The following SLC44A2 variants were observed in gnomAD, a reference collection of about 807,000 sequenced individuals.
SLC44A2 encodes choline transporter-like protein 2.
A neutral mutation model predicts 90.8 loss-of-function variants in SLC44A2; 57 were observed. That is an observed-to-expected ratio of 0.63 (90% CI 0.51 to 0.78). The LOEUF (loss-of-function observed/expected upper bound fraction) is 0.78, where lower values mean the gene tolerates loss of function less well. Ranked by LOEUF, SLC44A2 falls within the 30% of genes least tolerant of loss-of-function variation. The pLI is 0.00. For synonymous variants in SLC44A2, 355 were observed against 360.7 expected (o/e 0.98, Z 0.18); for missense variants, 794 against 919.7 (o/e 0.86, Z 1.77).
At chr19:10,630,954 G>T in intron 4 of SLC44A2, 103 bp from the exon 5 acceptor site, 1 of 873,012 alleles carries the variant, frequency 1.1e-6, no homozygotes, top group Non-Finnish European at 1.8e-6. Flanking sequence ...GCAGTGAGCC[G>T]AGATCACACC....
At chr19:10,640,068 C>G (rs1188097688) in intron 20 of SLC44A2, among the ~76,000 whole-genome samples, 1 of 150,112 alleles carries the variant, frequency 6.7e-6, no homozygotes, top group Non-Finnish European at 1.5e-5. Context: ...TTATTTAATC[C>G]TCTAAGGTCC....
intron 1 of SLC44A2, among the ~76,000 whole-genome samples, chr19:10,620,535 T>C (rs1202655333): frequency 2.0e-5 from 3 of 152,190 alleles, no homozygotes; most frequent in Non-Finnish European, 2.9e-5. Context: ...TCGTTTTTAT[T>C]TTCAGTGTTC....
At chr19:10,615,170 C>T (rs1008085530) in intron 1 of SLC44A2, among the ~76,000 whole-genome samples, 2 of 151,594 alleles carry the variant, frequency 1.3e-5, no homozygotes, top group African/African-American at 4.8e-5. Context: ...GTGGCTCACA[C>T]CTGTAATCAT....
chr19:10,630,317 G>T (rs759312846), intron 4 of SLC44A2, among the ~76,000 whole-genome samples: 2 of 151,624 alleles, frequency 1.3e-5, no homozygotes, highest in Non-Finnish European at 2.9e-5. Flanking sequence ...GCCACTGCTC[G>T]CTCTGTCTGG....
intron 20 of SLC44A2, among the ~76,000 whole-genome samples, chr19:10,638,652 T>G (rs2067084818): frequency 6.6e-6 from 1 of 151,898 alleles, no homozygotes; most frequent in Non-Finnish European, 1.5e-5. Flanking sequence ...TAATTTTTTT[T>G]TTGAGACAGA....
intron 1 of SLC44A2, among the ~76,000 whole-genome samples, chr19:10,613,591 A>T (rs1387560019): frequency 1.3e-5 from 2 of 152,152 alleles, no homozygotes; most frequent in African/African-American, 4.8e-5. Flanking sequence ...TCATGCCTGT[A>T]GTTCAAGCAC....
At chr19:10,614,708 C>G (rs184087650) in intron 1 of SLC44A2, among the ~76,000 whole-genome samples, 30 of 152,196 alleles carry the variant, frequency 2.0e-4, no homozygotes, top group African/African-American at 6.7e-4. Context: ...CGGTGGCTCA[C>G]GCCGATAATC....
At chr19:10,613,607 G>A (rs1188870487) in intron 1 of SLC44A2, among the ~76,000 whole-genome samples, 1 of 152,130 alleles carries the variant, frequency 6.6e-6, no homozygotes, top group African/African-American at 2.4e-5. Context: ...AGCACTTTGG[G>A]AGGCTAAGGC....
At chr19:10,639,026 C>T (rs1350753464) in intron 20 of SLC44A2, among the ~76,000 whole-genome samples, 4 of 152,002 alleles carry the variant, frequency 2.6e-5, no homozygotes, top group South Asian at 2.1e-4. Flanking sequence ...CTCGAACTCC[C>T]GACCTCAGGT....
In SLC44A2 at chr19:10,642,367, A is replaced by G; in HGVS notation, c.1930A>G (p.Thr644Ala). The G allele has an allele frequency of 6.2e-7, 1 of 1,614,058 alleles. No individual in the cohort carries two copies. Among genetic ancestry groups the G allele is most frequent in the Non-Finnish European group, 8.5e-7 (1 of 1,179,990 alleles). Residue 644 changes from threonine to alanine, a missense_variant and splice_region_variant, in exon 21 of 22, where the codon ACG (threonine) becomes GCG (alanine). Physicochemically the swap from Thr to Ala is moderately conservative, Grantham distance 58. Around this residue, in one of 3 missense-constraint regions of SLC44A2, gnomAD observed 738 missense variants for 841.1 expected, o/e 0.88. Transcript: ENST00000335757. ...GGACAGCTCGTTTCTCCTTGCCCAG[A>G]CGGTGATCGTTGGCTCCTACTTGAT... ...PLNYYWVPIL[T>A]VIVGSYLIAH...
Position 10,625,765 on chromosome 19 carries a change from G to C in SLC44A2, c.37+95G>C, listed in dbSNP as rs900838598. On this transcript the variant is annotated intron_variant, in intron 1 of 21. Transcript: ENST00000335757. ...ATGGGGCGCAGGGAAGGGGGCTGGA[G>C]GGGGAGCGCAATTGCAAATCTGCGC... 9 of 1,091,088 alleles carry C rather than the reference G, an allele frequency of 8.2e-6. No homozygotes were observed. The East Asian group carries it at 2.6e-4, about 31-fold the overall frequency. The allele number at this position is 1,091,088 out of a possible 1,614,324, so 67.6% of individuals were successfully genotyped here. A position where few individuals can be genotyped will look rare whatever the true frequency, so the allele number is the denominator to read the frequency against.
At chr19:10,619,083 A>T (rs2066878744) in intron 1 of SLC44A2, among the ~76,000 whole-genome samples, 1 of 143,994 alleles carries the variant, frequency 6.9e-6, no homozygotes, top group South Asian at 2.2e-4. Flanking sequence ...TGATCCTCCC[A>T]CCCTAGGCTT....
intron 20 of SLC44A2, among the ~76,000 whole-genome samples, chr19:10,640,698 GA>G: frequency 6.6e-6 from 1 of 152,176 alleles, no homozygotes; most frequent in Admixed American, 6.6e-5. Flanking sequence ...GTCTAGTGAG[GA>G]TGTGAGCATT....
chr19:10,637,849 C>T lies in SLC44A2; in HGVS notation c.1696-7C>T. ...GGGTCTGATCTCTCCCTCCCACTCTCCTCCAGATTGCCATCTACGGCACCA... is the reference window on the plus strand; with the variant it reads ...GGGTCTGATCTCTCCCTCCCACTCTTCTCCAGATTGCCATCTACGGCACCA... On this transcript the variant is annotated splice_polypyrimidine_tract_variant and splice_region_variant and intron_variant, in intron 17 of 21. Coordinates refer to ENST00000335757, the MANE Select transcript of SLC44A2 (RefSeq NM_020428.4). 1.9e-6 allele frequency: 3 copies of T among 1,614,154 alleles called. No individual in the cohort carries two copies. The South Asian group carries it at 3.3e-5, about 18-fold the overall frequency.
chr19:10,635,186 C>T lies in SLC44A2; in HGVS notation c.1079C>T (p.Ser360Phe), dbSNP rs1353663308. 1.2e-6 allele frequency: 2 copies of T among 1,613,992 alleles called. No individual in the cohort carries two copies. The highest frequency in any genetic ancestry group is 2.2e-5 in the East Asian group (1 of 44,888). The change falls in exon 13 of 22, where the codon TCC (serine) becomes TTC (phenylalanine). Residue 360 changes from serine to phenylalanine, a missense_variant. By Grantham distance (155) the Ser-to-Phe change is radical (BLOSUM62 -2). This residue lies in a region of SLC44A2 where 738 missense variants were observed against 841.1 expected (regional missense o/e 0.88). Coordinates refer to ENST00000335757, the MANE Select transcript of SLC44A2 (RefSeq NM_020428.4). ...AGGGCTGTGGGATACGTCATGTGCT[C>T]CTTGCTCTACCCACTGGTCACCTTC... Reference protein sequence around the residue: ...ASRAVGYVMCSLLYPLVTFFL... With the variant: ...ASRAVGYVMCFLLYPLVTFFL...
chr19:10,621,374 GAAAGA>G (rs1030967924), upstream of SLC44A2, among the ~76,000 whole-genome samples: 9 of 138,116 alleles, frequency 6.5e-5, no homozygotes, highest in African/African-American at 2.4e-4. Flanking sequence ...AAAAATGAAA[GAAAGA>G]AAAGAAAAGG....
At chr19:10,622,190 G>T (rs143549435), upstream of SLC44A2, among the ~76,000 whole-genome samples, 636 of 152,316 alleles carry the variant, frequency 4.2e-3, 5 homozygotes, top group African/African-American at 0.015. Flanking sequence ...TGCTGAGCGT[G>T]GGACGTACCC....
At chr19:10,612,801 C>T (rs1439568547) in intron 1 of SLC44A2, among the ~76,000 whole-genome samples, 2 of 152,256 alleles carry the variant, frequency 1.3e-5, no homozygotes, top group Middle Eastern at 3.2e-3. Flanking sequence ...GGCTGCCTCT[C>T]CCAATCCTGG....
intron 4 of SLC44A2, among the ~76,000 whole-genome samples, chr19:10,630,481 A>T (rs182477896): frequency 4.0e-5 from 6 of 151,588 alleles, no homozygotes. Context: ...ACATGGCAAA[A>T]CCCCGTCTCC....
Sources: gnomAD v4.1 joint callset for allele counts (sites outside exome capture counted in the v4.1 genomes callset) on GRCh38, gnomAD v4.1.1 for gene constraint, gnomAD v4.1.1 regional missense constraint, MANE v1.5 for transcripts, NCBI Gene and HGNC (gene_info 2026-07-23, HGNC 2026-07-21) for gene names.